Variants in BAALC observed in about 807,000 individuals in gnomAD.
BAALC encodes the protein brain and acute leukemia cytoplasmic protein.
A neutral mutation model predicts 15.5 loss-of-function variants in BAALC; 9 were observed. The observed-to-expected ratio is 0.58, with a 90% CI of 0.35 to 1.02. The LOEUF is 1.02. Among genes scored for constraint, BAALC ranks in the 50% least tolerant of loss-of-function variants. The probability of loss-of-function intolerance (pLI) is 0.02; values close to 1 mark genes in which losing one functional copy is unlikely to be tolerated. For synonymous variants in BAALC, 80 were observed against 74.6 expected, an observed-to-expected ratio of 1.07 and a Z score of -0.37; for missense variants, 201 against 192.4, an observed-to-expected ratio of 1.04 and a Z score of -0.27.
At chr8:103,141,224 C>G (rs977011467) in intron 1 of BAALC, 167 bp downstream of exon 1, 8 of 765,856 alleles carry the variant, frequency 1.0e-5, no homozygotes, top group Non-Finnish European at 1.5e-5. Context: ...GATGCAAGCC[C>G]AGGGAGTGGG....
At chr8:103,190,436 T>G (rs1169885703) in intron 1 of BAALC, among the ~76,000 whole-genome samples, 1 of 152,172 alleles carries the variant, frequency 6.6e-6, no homozygotes. Context: ...TTTTCCTTCC[T>G]CCAGTCTCAC....
chr8:103,214,692 A>G (rs1812520631), intron 2 of BAALC, among the ~76,000 whole-genome samples: 1 of 152,234 alleles, frequency 6.6e-6, no homozygotes, highest in African/African-American at 2.4e-5. Context: ...ACACAATGGA[A>G]ATAATACAAA....
intron 1 of BAALC, 33 bp downstream of exon 1, chr8:103,141,090 G>T: frequency 1.4e-6 from 2 of 1,404,976 alleles, no homozygotes; most frequent in Non-Finnish European, 1.8e-6. Flanking sequence ...ACCCTCGCCC[G>T]CCCGCTACCC....
Position 103,180,782 on chromosome 8 carries a change from T to C in BAALC, c.161-32137T>C, listed in dbSNP as rs371596860. ...AACAAGTTGAGATGTAAAGCAATGA[T>C]TGTGTGAAAATAGATAGGATTGAAA... On this transcript the variant is annotated intron_variant, in intron 1 of 2. Transcript: ENST00000309982. Among the ~76,000 whole-genome samples, 5 of 152,288 alleles carry C rather than the reference T, an allele frequency of 3.3e-5. No individual in the cohort carries two copies. The East Asian group carries it at 9.7e-4, about 29-fold the overall frequency.
In BAALC at chr8:103,140,884, C is replaced by T. The variant is rs746928938; in HGVS notation, c.-14C>T. On this transcript the variant is annotated 5_prime_UTR_variant, in exon 1 of 3. Transcript: ENST00000309982. The surrounding 1 kb of genome is among the most constrained non-coding windows in gnomAD (Gnocchi z 4.2). ...CAGCCGAGCAGCCGCTGGGCGCTCC[C>T]GCGGCGCAGGAGGATGGGCTGCGGC... The T allele has an allele frequency of 3.4e-6, 5 of 1,490,946 alleles. No individual in the cohort carries two copies. The highest frequency in any genetic ancestry group is 3.0e-5 in the East Asian group (1 of 33,462). The allele number at this position is 1,490,946 out of a possible 1,614,324, so 92.4% of individuals were successfully genotyped here.
chr8:103,164,711 C>G (rs1811306670), intron 1 of BAALC, among the ~76,000 whole-genome samples: 1 of 152,160 alleles, frequency 6.6e-6, no homozygotes, highest in South Asian at 2.1e-4. Flanking sequence ...TTACCTTCAC[C>G]CTTACTCATT....
At chr8:103,194,676 G>C (rs1812050361) in intron 1 of BAALC, among the ~76,000 whole-genome samples, 2 of 152,170 alleles carry the variant, frequency 1.3e-5, no homozygotes. Flanking sequence ...GTTTCACACA[G>C]TTCTAGAGGC....
At chr8:103,181,281 T>C (rs1175522719) in intron 1 of BAALC, among the ~76,000 whole-genome samples, 1 of 152,106 alleles carries the variant, frequency 6.6e-6, no homozygotes. Context: ...TCTTTTTTGT[T>C]GTTGTTTTTG....
intron 1 of BAALC, among the ~76,000 whole-genome samples, chr8:103,178,585 A>G (rs1033513645): frequency 1.8e-4 from 28 of 152,204 alleles, no homozygotes; most frequent in Non-Finnish European, 7.3e-5. Flanking sequence ...TAGGCTGGGC[A>G]CAGTGACTCA....
intron 1 of BAALC, among the ~76,000 whole-genome samples, chr8:103,204,665 A>C (rs1212104512): frequency 1.3e-5 from 2 of 152,228 alleles, no homozygotes; most frequent in Non-Finnish European, 2.9e-5. Context: ...ACATGTGTTG[A>C]AAAACTATTC....
At chr8:103,198,894 G>C (rs1812153019) in intron 1 of BAALC, among the ~76,000 whole-genome samples, 1 of 152,186 alleles carries the variant, frequency 6.6e-6, no homozygotes, top group Non-Finnish European at 1.5e-5. Context: ...CTAGGCAACA[G>C]AGTGAGACTC....
chr8:103,222,328 ACT>A (rs141570032), intron 2 of BAALC, among the ~76,000 whole-genome samples: 10,067 of 152,116 alleles, frequency 0.066, 459 homozygotes, highest in Non-Finnish European at 0.1. Context: ...CCCACAAGAG[ACT>A]CTGTGGGGCA....
intron 1 of BAALC, among the ~76,000 whole-genome samples, chr8:103,203,433 G>A (rs1326885187): frequency 1.3e-5 from 2 of 152,062 alleles, no homozygotes; most frequent in Admixed American, 6.5e-5. Flanking sequence ...GCTTTGTTGA[G>A]GTATAATTCA....
intron 1 of BAALC, among the ~76,000 whole-genome samples, chr8:103,142,124 A>C (rs1217892769): frequency 6.6e-6 from 1 of 152,238 alleles, no homozygotes; most frequent in Admixed American, 6.5e-5. Context: ...AAATAGGGTT[A>C]ATTTGAAGCA....
rs948687371 is a variant in BAALC at position 103,145,918 on chromosome 8, C to T, written c.160+4861C>T. Among the ~76,000 whole-genome samples the T allele has an allele frequency of 3.3e-5, 5 of 152,028 alleles. No individual in the cohort carries two copies. In the South Asian group the frequency reaches 6.2e-4, roughly 19 times the overall value. On this transcript the variant is annotated intron_variant, in intron 1 of 2. Coordinates refer to ENST00000309982, the MANE Select transcript of BAALC (RefSeq NM_024812.3). ...TTTCATCTTATTGGTTTCAGTTTAA[C>T]GTTTAAATTTGCTGACCTTGATTCA...
At chr8:103,143,131 G>A (rs1810818727) in intron 1 of BAALC, among the ~76,000 whole-genome samples, 1 of 152,116 alleles carries the variant, frequency 6.6e-6, no homozygotes, top group Non-Finnish European at 1.5e-5. Flanking sequence ...AGGGCCTTTG[G>A]GAATGGCTTG....
At chr8:103,144,210 G>T (rs1028876596) in intron 1 of BAALC, among the ~76,000 whole-genome samples, 2 of 152,198 alleles carry the variant, frequency 1.3e-5, no homozygotes, top group Non-Finnish European at 2.9e-5. Flanking sequence ...ACTGCAGGGA[G>T]GGGGCATGTT....
chr8:103,185,179 C>G (rs1373330906), intron 1 of BAALC, among the ~76,000 whole-genome samples: 2 of 152,004 alleles, frequency 1.3e-5, no homozygotes, highest in African/African-American at 4.8e-5. Context: ...CTCAGCCAGG[C>G]CCTGGTTGCT....
intron 1 of BAALC, among the ~76,000 whole-genome samples, chr8:103,192,279 C>T (rs1811988683): frequency 1.3e-5 from 2 of 152,130 alleles, no homozygotes; most frequent in Admixed American, 1.3e-4. Context: ...CTCGAACTCT[C>T]GACCTCAGGT....
Sources: gnomAD v4.1 joint callset for allele counts (sites outside exome capture counted in the v4.1 genomes callset) on GRCh38, gnomAD v4.1.1 for gene constraint, Gnocchi (gnomAD v3.1) non-coding constraint, MANE v1.5 for transcripts, NCBI Gene and HGNC (gene_info 2026-07-23, HGNC 2026-07-21) for gene names.